Variants in DEFB124 observed in about 807,000 individuals in gnomAD.
The protein encoded by DEFB124 is beta-defensin 124.
For missense variants in DEFB124, 78 were observed against 83.1 expected, an observed-to-expected ratio of 0.94 and a Z score of 0.24; for synonymous variants, 38 against 36.5, an observed-to-expected ratio of 1.04 and a Z score of -0.15.
intron 2 of DEFB124, among the ~76,000 whole-genome samples, chr20:31,469,316 G>C (rs531554484): frequency 4.3e-4 from 65 of 152,256 alleles, no homozygotes; most frequent in South Asian, 1.7e-3. Flanking sequence ...CCAGCTACTC[G>C]GGAGGCTGAG....
At chr20:31,469,978 G>C (rs1220568814) in intron 2 of DEFB124, among the ~76,000 whole-genome samples, 2 of 138,222 alleles carry the variant, frequency 1.4e-5, no homozygotes, top group East Asian at 3.9e-4. Context: ...CCTCCCAGAC[G>C]GGGTGGTGGC....
chr20:31,472,415 G>C (rs1163985365), intron 2 of DEFB124, among the ~76,000 whole-genome samples: 3 of 145,434 alleles, frequency 2.1e-5, no homozygotes, highest in Admixed American at 6.8e-5. Flanking sequence ...GAGGGAGACC[G>C]AGAGGGAGAG....
intron 2 of DEFB124, 48 bp downstream of exon 2, chr20:31,472,908 C>T (rs1393859780): frequency 1.3e-6 from 2 of 1,504,132 alleles, no homozygotes; most frequent in South Asian, 2.3e-5. Flanking sequence ...TTTTTACAAG[C>T]ACACATGTGC....
chr20:31,470,463 CT>C, intron 2 of DEFB124, among the ~76,000 whole-genome samples: 1 of 134,326 alleles, frequency 7.4e-6, no homozygotes, highest in African/African-American at 2.9e-5. Flanking sequence ...GACGGGGTGG[CT>C]GGCCTGGCAG....
chr20:31,470,540 G>T (rs1980226593), intron 2 of DEFB124, among the ~76,000 whole-genome samples: 3 of 137,538 alleles, frequency 2.2e-5, no homozygotes, highest in East Asian at 2.3e-4. Flanking sequence ...GGACGGGGCG[G>T]CTGGCCGGGC....
intron 2 of DEFB124, 150 bp from the exon 3 acceptor site, chr20:31,465,813 A>G (rs1980069124): frequency 1.0e-6 from 1 of 952,670 alleles, no homozygotes; most frequent in African/African-American, 1.6e-5. Flanking sequence ...GAGAGTACTG[A>G]TTACAAGTTA....
chr20:31,470,990 G>A (rs1267610544), intron 2 of DEFB124, among the ~76,000 whole-genome samples: 1 of 140,556 alleles, frequency 7.1e-6, no homozygotes, highest in South Asian at 2.3e-4. Context: ...CGGACGGGGC[G>A]GCTGGCCGGG....
At position 31,474,567 on chromosome 20, in the gene DEFB124, T is replaced by A. The variant is rs1294953351; in HGVS notation, c.-26+60A>T. Among the ~76,000 whole-genome samples the A allele has an allele frequency of 2.0e-5, 3 of 152,206 alleles. No homozygotes were observed. The East Asian group carries it at 5.8e-4, about 29-fold the overall frequency. ...AGGGAGGCAGCCCAGTCAAAGAGTC[T>A]GGATCCTGGCCCCTTGGATGGCCGA... is the stretch of plus-strand genomic sequence containing the variant. On this transcript the variant is annotated intron_variant, in intron 1 of 2. Coordinates refer to ENST00000317676, the MANE Select transcript of DEFB124 (RefSeq NM_001037500.2).
At chr20:31,468,196 C>G (rs181335178) in intron 2 of DEFB124, among the ~76,000 whole-genome samples, 4 of 152,208 alleles carry the variant, frequency 2.6e-5, no homozygotes, top group Admixed American at 2.0e-4. Flanking sequence ...GTGCTCCCCC[C>G]GCTAGCCACA....
chr20:31,474,394 G>A (rs962526418), intron 1 of DEFB124, among the ~76,000 whole-genome samples: 2 of 152,196 alleles, frequency 1.3e-5, no homozygotes, highest in African/African-American at 4.8e-5. Context: ...GACCTGTGGG[G>A]GCTGAGCCAG....
rs1980441558 is a variant in DEFB124 at position 31,475,099 on chromosome 20, C to T, written c.-498G>A. Among the ~76,000 whole-genome samples, 1 of 152,250 alleles carries T rather than the reference C, an allele frequency of 6.6e-6. No homozygotes were observed. Among genetic ancestry groups the T allele is most frequent in the African/African-American group, 2.4e-5 (1 of 41,458 alleles). ...CATCCTTCCTTTCTCGTCTGCCACC[C>T]TCACCCGGTGCGTAGGGCTGGCAGA... On this transcript the variant is annotated 5_prime_UTR_variant, in exon 1 of 3. Transcript: ENST00000317676. The surrounding 1 kb of genome is among the most constrained non-coding windows in gnomAD (Gnocchi z 5.0).
Position 31,474,909 on chromosome 20 carries a change from C to T in DEFB124, c.-308G>A, listed in dbSNP as rs1279055484. 6.6e-6 allele frequency among the ~76,000 whole-genome samples: 1 copy of T among 152,198 alleles called. No individual in the cohort carries two copies. The highest frequency in any genetic ancestry group is 2.4e-5 in the African/African-American group (1 of 41,446). Reference sequence around the variant, plus strand: ...TGTTTAAAACGCAGATTCCCGAACCCCTCCCCCAGCACCGTGGAATCCGCC... The same window carrying T: ...TGTTTAAAACGCAGATTCCCGAACCTCTCCCCCAGCACCGTGGAATCCGCC... On this transcript the variant is annotated 5_prime_UTR_variant, in exon 1 of 3. Coordinates refer to ENST00000317676, the MANE Select transcript of DEFB124 (RefSeq NM_001037500.2).
intron 2 of DEFB124, among the ~76,000 whole-genome samples, chr20:31,471,316 CCCCCCCCA>C (rs1980288983): frequency 3.5e-5 from 2 of 57,304 alleles, no homozygotes; most frequent in East Asian, 1.2e-3. Context: ...GGGGGGCTGA[CCCCCCCCA>C]CCTCCCTCCC....
chr20:31,467,083 AC>A (rs1980102306), intron 2 of DEFB124, among the ~76,000 whole-genome samples: 2 of 152,214 alleles, frequency 1.3e-5, no homozygotes, highest in African/African-American at 4.8e-5. Flanking sequence ...GGAGACTAGG[AC>A]CACATAGACA....
intron 2 of DEFB124, among the ~76,000 whole-genome samples, chr20:31,468,346 T>A (rs1412771407): frequency 3.3e-5 from 5 of 152,128 alleles, no homozygotes; most frequent in African/African-American, 1.2e-4. Flanking sequence ...TTATATAAAA[T>A]AAGATCGCTG....
rs186987545 is a variant in DEFB124 at position 31,466,592 on chromosome 20, T to C, written c.59-929A>G. Among the ~76,000 whole-genome samples the C allele has an allele frequency of 8.3e-4, 111 of 133,800 alleles. 1 individual carries two copies. The East Asian group carries it at 0.019, about 23-fold the overall frequency. 87.8% of individuals were successfully genotyped at this position (133,800 alleles called of 152,430 possible). ...TGCAGCCTTGGCGACAAACTAAGAC[T>C]CCATCTCAAAAAGAATATATATATA... On this transcript the variant is annotated intron_variant, in intron 2 of 2. Transcript: ENST00000317676.
chr20:31,466,631 A>G (rs1025738852), intron 2 of DEFB124, among the ~76,000 whole-genome samples: 2 of 150,198 alleles, frequency 1.3e-5, no homozygotes, highest in African/African-American at 5.0e-5. Flanking sequence ...ATAAAACCTT[A>G]TCCGAGGTCA....
chr20:31,470,973 C>T (rs1157126563), intron 2 of DEFB124, among the ~76,000 whole-genome samples: 6 of 138,700 alleles, frequency 4.3e-5, no homozygotes, highest in Admixed American at 3.5e-4. Flanking sequence ...AAGCGCCCCT[C>T]ACTTCCCGGA....
At chr20:31,465,687 C>T in intron 2 of DEFB124, 24 bp from the exon 3 acceptor site, 1 of 1,611,340 alleles carries the variant, frequency 6.2e-7, no homozygotes, top group Non-Finnish European at 8.5e-7. Context: ...AACCACAGGT[C>T]ACAGAGCAGC....
Sources: allele counts gnomAD v4.1 joint callset (sites outside exome capture counted in the v4.1 genomes callset), GRCh38; gene constraint gnomAD v4.1.1; non-coding constraint Gnocchi (gnomAD v3.1); transcripts MANE v1.5; gene names NCBI Gene and HGNC (gene_info 2026-07-23, HGNC 2026-07-21).